Variants in PTPRN2 observed in about 807,000 individuals in gnomAD.
PTPRN2 encodes the protein receptor-type tyrosine-protein phosphatase N2.
PTPRN2 carries 74 observed loss-of-function variants against 118.8 expected under a neutral mutation model. That is an observed-to-expected ratio of 0.62 (90% confidence interval 0.52 to 0.76). The LOEUF is 0.76. PTPRN2 is among the 30% of genes least tolerant of loss of function. The pLI is 0.00. For missense variants in PTPRN2, 1,481 were observed against 1,394.4 expected (o/e 1.06, Z -0.99); for synonymous variants, 641 against 608.0 (o/e 1.05, Z -0.80).
At chr7:157,655,873 C>T (rs543330745) in intron 14 of PTPRN2, among the ~76,000 whole-genome samples, 7 of 152,078 alleles carry the variant, frequency 4.6e-5, no homozygotes, top group East Asian at 2.0e-4. Context: ...CTCTGGCCGG[C>T]GCCACCAGGA....
chr7:157,844,704 C>T (rs970372320), intron 12 of PTPRN2, among the ~76,000 whole-genome samples: 28 of 152,196 alleles, frequency 1.8e-4, no homozygotes, highest in Non-Finnish European at 4.4e-5. Flanking sequence ...TTGTTCACGT[C>T]CTAAGTTGCT....
intron 2 of PTPRN2, among the ~76,000 whole-genome samples, chr7:158,417,057 T>A (rs551719424): frequency 1.8e-4 from 25 of 140,268 alleles, no homozygotes; most frequent in Admixed American, 1.6e-3. Context: ...CACAGTGCAC[T>A]ACATCAAGAT....
intron 4 of PTPRN2, among the ~76,000 whole-genome samples, chr7:158,193,158 T>C (rs1825916512): frequency 6.6e-6 from 1 of 152,162 alleles, no homozygotes; most frequent in Non-Finnish European, 1.5e-5. Flanking sequence ...ATGGGACGCT[T>C]CCCGTGGGCA....
rs566257532 is a variant in PTPRN2, at chr7:157,990,510, C to T, written c.1723+90788G>A. ...CCACACTCCATGCCACCATGCCCAA[C>T]GGTCCCCGCCCTGCACCCACCTCTG... On this transcript the variant is annotated intron_variant, in intron 11 of 22. Coordinates refer to ENST00000389418, the MANE Select transcript of PTPRN2 (RefSeq NM_002847.5). This position sits in a 1 kb window ranked among gnomAD's most constrained non-coding sequence, Gnocchi z 4.3. Among the ~76,000 whole-genome samples the T allele has an allele frequency of 7.3e-5, 11 of 151,724 alleles. No homozygotes were observed. The highest frequency in any genetic ancestry group is 4.2e-4 in the South Asian group (2 of 4,774).
At chr7:158,211,655 C>T (rs1827611114) in intron 3 of PTPRN2, among the ~76,000 whole-genome samples, 1 of 152,092 alleles carries the variant, frequency 6.6e-6, no homozygotes, top group African/African-American at 2.4e-5. Flanking sequence ...GCAAATCAAA[C>T]CTACAATGAG....
rs890882299 is a variant in PTPRN2 at position 157,622,760 on chromosome 7, G to A, written c.2197-1251C>T. Among the ~76,000 whole-genome samples the A allele has an allele frequency of 5.9e-5, 9 of 152,206 alleles. No homozygotes were observed. The highest frequency in any genetic ancestry group is 1.3e-4 in the Admixed American group (2 of 15,288). On this transcript the variant is annotated intron_variant, in intron 14 of 22. Coordinates refer to ENST00000389418, the MANE Select transcript of PTPRN2 (RefSeq NM_002847.5). The surrounding 1 kb of genome is among the most constrained non-coding windows in gnomAD (Gnocchi z 5.3). ...GGCTCAGGGTGGGCACTCTAAGGCC[G>A]TCTGTTGGGAGGTCCCAGGTTGTCA... is the stretch of plus-strand genomic sequence containing the variant.
At chr7:158,133,412 A>G (rs1458171937) in intron 9 of PTPRN2, among the ~76,000 whole-genome samples, 1 of 152,000 alleles carries the variant, frequency 6.6e-6, no homozygotes, top group Non-Finnish European at 1.5e-5. Flanking sequence ...CCAGGAAGGG[A>G]TTTGCTTGGT....
At chr7:157,588,023 C>CGTGCCTGGGCTCCCGTGGTGGCTGTCCCT (rs1246042498) in intron 17 of PTPRN2, among the ~76,000 whole-genome samples, 8 of 151,650 alleles carry the variant, frequency 5.3e-5, no homozygotes, top group African/African-American at 1.9e-4. Context: ...TGGCTGTCCC[C>CGTGCCTGGGCTCCCGTGGTGGCTGTCCCT]GTGCCTGGGC....
chr7:158,185,019 A>G (rs547221244), intron 5 of PTPRN2, among the ~76,000 whole-genome samples: 1 of 152,338 alleles, frequency 6.6e-6, no homozygotes, highest in Admixed American at 6.5e-5. Context: ...CACATGGTCT[A>G]TGTAACTATG....
chr7:158,079,534 G>A lies in PTPRN2; in HGVS notation c.1723+1764C>T, dbSNP rs915188454. The stretch of plus-strand genomic sequence containing the variant: ...GTTATGATTTTTAAAAATATAACAA[G>A]ATTGCCATTCCTAGCATCCTTGAGG... On this transcript the variant is annotated intron_variant, in intron 11 of 22. Transcript: ENST00000389418. 1.2e-4 allele frequency among the ~76,000 whole-genome samples: 18 copies of A among 152,318 alleles called. No individual in the cohort carries two copies. The East Asian group carries it at 2.9e-3, about 24-fold the overall frequency.
chr7:158,178,152 G>A (rs890872021), intron 5 of PTPRN2, among the ~76,000 whole-genome samples: 1 of 152,022 alleles, frequency 6.6e-6, no homozygotes, highest in African/African-American at 2.4e-5. Context: ...ACATTAAATT[G>A]TCACTCATTT....
At chr7:158,350,494 T>C (rs4909195) in intron 2 of PTPRN2, among the ~76,000 whole-genome samples, 145,548 of 152,320 alleles carry the variant, frequency 0.96, 69,571 homozygotes, top group Non-Finnish European at 0.96. Context: ...AGAATCTGCC[T>C]GTCAATTTTG....
In PTPRN2 at chr7:158,546,064, A is replaced by C. The variant is rs1368658778; in HGVS notation, c.112+41494T>G. Among the ~76,000 whole-genome samples the C allele has an allele frequency of 6.6e-6, 1 of 152,236 alleles. No homozygotes were observed. The highest frequency in any genetic ancestry group is 1.5e-5 in the Non-Finnish European group (1 of 68,038). On this transcript the variant is annotated intron_variant, in intron 1 of 22. Coordinates refer to ENST00000389418, the MANE Select transcript of PTPRN2 (RefSeq NM_002847.5). This position sits in a 1 kb window ranked among gnomAD's most constrained non-coding sequence, Gnocchi z 5.0. ...TCCAGGAGGTAATTTACCTCCAGCA[A>C]GGGCTGGAGACCAAAAAAACTGGGC...
At chr7:157,835,637 G>A (rs1197849250) in intron 12 of PTPRN2, among the ~76,000 whole-genome samples, 2 of 152,174 alleles carry the variant, frequency 1.3e-5, no homozygotes, top group East Asian at 3.8e-4. Context: ...GGGCGCTCGG[G>A]AGGGTGCAGG....
chr7:157,845,722 G>A lies in PTPRN2; in HGVS notation c.1788+52951C>T, dbSNP rs1249706132. Among the ~76,000 whole-genome samples, 1 of 152,170 alleles carries A rather than the reference G, an allele frequency of 6.6e-6. No homozygotes were observed. Among genetic ancestry groups the A allele is most frequent in the Non-Finnish European group, 1.5e-5 (1 of 68,048 alleles). ...ACCAACATGGAGCTGAGGCCCCAGAGAGGTCCCTGTGCTCATGACTCACAG... is the reference window on the plus strand; with the variant it reads ...ACCAACATGGAGCTGAGGCCCCAGAAAGGTCCCTGTGCTCATGACTCACAG... On this transcript the variant is annotated intron_variant, in intron 12 of 22. Coordinates refer to ENST00000389418, the MANE Select transcript of PTPRN2 (RefSeq NM_002847.5). This position sits in a 1 kb window ranked among gnomAD's most constrained non-coding sequence, Gnocchi z 4.5.
chr7:158,203,611 G>C (rs1444650722), intron 4 of PTPRN2, among the ~76,000 whole-genome samples: 1 of 151,940 alleles, frequency 6.6e-6, no homozygotes, highest in Non-Finnish European at 1.5e-5. Flanking sequence ...CCCAGAGTGA[G>C]GAGGAGCCAT....
At chr7:157,670,077 T>G (rs1675567309) in intron 13 of PTPRN2, among the ~76,000 whole-genome samples, 1 of 152,068 alleles carries the variant, frequency 6.6e-6, no homozygotes, top group African/African-American at 2.4e-5. Context: ...AAGGCAGCCC[T>G]GGGGGAGCAG....
intron 2 of PTPRN2, among the ~76,000 whole-genome samples, chr7:158,413,305 G>A (rs1490162195): frequency 2.0e-5 from 3 of 152,232 alleles, no homozygotes; most frequent in African/African-American, 2.4e-5. Flanking sequence ...AAGTCGTAGG[G>A]GCTCACGAGA....
At chr7:158,567,035 A>G (rs1827710154) in intron 1 of PTPRN2, among the ~76,000 whole-genome samples, 2 of 152,226 alleles carry the variant, frequency 1.3e-5, no homozygotes, top group African/African-American at 4.8e-5. Flanking sequence ...AAAGTTTAAA[A>G]AATAAATAAA....
Sources: gnomAD v4.1 joint callset for allele counts (sites outside exome capture counted in the v4.1 genomes callset) on GRCh38, gnomAD v4.1.1 for gene constraint, Gnocchi (gnomAD v3.1) non-coding constraint, MANE v1.5 for transcripts, NCBI Gene and HGNC (gene_info 2026-07-23, HGNC 2026-07-21) for gene names.